The following CCDC27 variants were observed in gnomAD, a reference collection of about 807,000 sequenced individuals.
The protein encoded by CCDC27 is coiled-coil domain-containing protein 27.
A neutral mutation model predicts 80.3 loss-of-function variants in CCDC27; 80 were observed. That is an observed-to-expected ratio of 1.00 (90% confidence interval 0.83 to 1.20). The LOEUF (loss-of-function observed/expected upper bound fraction) is 1.20, where lower values mean the gene tolerates loss of function less well. Among genes scored for constraint, CCDC27 ranks in the 50% most tolerant of loss-of-function variants. The pLI is 0.00. For missense variants in CCDC27, 815 were observed against 809.4 expected (o/e 1.01, Z -0.08); for synonymous variants, 342 against 334.3 (o/e 1.02, Z -0.25).
In CCDC27 at chr1:3,766,694, G is replaced by A; in HGVS notation, c.1530+82G>A. ...CCAACACAGCAAAGGGCAAGACGGG[G>A]CTGGAGCGTCTTCACAGCTGAGCCA... On this transcript the variant is annotated intron_variant, in intron 9 of 11. Transcript: ENST00000294600. The surrounding 1 kb of genome is among the most constrained non-coding windows in gnomAD (Gnocchi z 6.1). 8.6e-7 allele frequency: 1 copy of A among 1,168,164 alleles called. No individual in the cohort carries two copies. Among genetic ancestry groups the A allele is most frequent in the Non-Finnish European group, 1.3e-6 (1 of 798,118 alleles). The allele number at this position is 1,168,164 out of a possible 1,614,324, so 72.4% of individuals were successfully genotyped here.
intron 8 of CCDC27, among the ~76,000 whole-genome samples, chr1:3,765,696 C>T (rs751239259): frequency 4.6e-5 from 7 of 152,100 alleles, no homozygotes; most frequent in Non-Finnish European, 8.8e-5. Context: ...CTTCTTGCAC[C>T]ACTTCTATTT....
Position 3,763,923 on chromosome 1 carries a change from C to T in CCDC27, c.1452+87C>T. ...CCCGGCAGCTCGGGGCAGGCGCTGC[C>T]CGTCCCATCTACTGATGGAGACTTT... is the stretch of plus-strand genomic sequence containing the variant. On this transcript the variant is annotated intron_variant, in intron 8 of 11. Coordinates refer to ENST00000294600, the MANE Select transcript of CCDC27 (RefSeq NM_152492.3). This position sits in a 1 kb window ranked among gnomAD's most constrained non-coding sequence, Gnocchi z 7.5. 1 of 1,527,526 alleles carries T rather than the reference C, an allele frequency of 6.5e-7. No homozygotes were observed. Among genetic ancestry groups the T allele is most frequent in the Non-Finnish European group, 8.8e-7 (1 of 1,133,164 alleles). 94.6% of individuals were successfully genotyped at this position (1,527,526 alleles called of 1,614,324 possible). A position where few individuals can be genotyped will look rare whatever the true frequency, so the allele number is the denominator to read the frequency against.
chr1:3,764,175 C>T (rs779793643), intron 8 of CCDC27, among the ~76,000 whole-genome samples: 3 of 152,168 alleles, frequency 2.0e-5, no homozygotes, highest in Non-Finnish European at 4.4e-5. Context: ...CCTATCCGTG[C>T]TTAGAGAGAC....
Position 3,756,938 on chromosome 1 carries a change from C to G in CCDC27, c.711+48C>G, listed in dbSNP as rs201968265. ...TCCCGGCCCCCCACCCCTCTCTCTG[C>G]GTCCGGCTGGGAGGACAGCCCTGCT... On this transcript the variant is annotated intron_variant, in intron 4 of 11. Transcript: ENST00000294600. The G allele has an allele frequency of 4.4e-6, 7 of 1,573,514 alleles. 2 individuals are homozygous for G. The South Asian group carries it at 8.0e-5, about 18-fold the overall frequency.
chr1:3,762,622 G>A lies in CCDC27; in HGVS notation c.864G>A (p.Glu288=). Reference sequence around the variant, plus strand: ...AGGGTCCCACGGGCGTCTTGCAGGAGCAGCTCTCAGACGCTTCGCTGAAGC... The same window carrying A: ...AGGGTCCCACGGGCGTCTTGCAGGAACAGCTCTCAGACGCTTCGCTGAAGC... ...QETSMSPGRR[E]QLSDASLKLG... Residue 288 remains glutamate (E), a splice_region_variant and synonymous_variant, in exon 6 of 12, where the codon GAG becomes GAA. Coordinates refer to ENST00000294600, the MANE Select transcript of CCDC27 (RefSeq NM_152492.3). 2 of 1,550,620 alleles carry A rather than the reference G, an allele frequency of 1.3e-6. No homozygotes were observed. Among genetic ancestry groups the A allele is most frequent in the Non-Finnish European group, 1.7e-6 (2 of 1,146,612 alleles).
In CCDC27 at chr1:3,769,701, A is replaced by T; in HGVS notation, c.1744-82A>T. The T allele has an allele frequency of 1.1e-6, 1 of 907,910 alleles. No homozygotes were observed. Among genetic ancestry groups the T allele is most frequent in the Non-Finnish European group, 1.9e-6 (1 of 538,114 alleles). 56.2% of individuals were successfully genotyped at this position (907,910 alleles called of 1,614,324 possible). A position where few individuals can be genotyped will look rare whatever the true frequency, so the allele number is the denominator to read the frequency against. On this transcript the variant is annotated intron_variant, in intron 10 of 11. Transcript: ENST00000294600. This position sits in a 1 kb window ranked among gnomAD's most constrained non-coding sequence, Gnocchi z 4.6. ...GCTGTTCCTTCCTGGTACATAAAAA[A>T]TAAGGTGGTGGGGGGTGCAGCCCAC...
rs977299367 is a variant in CCDC27 at position 3,769,491 on chromosome 1, A to G, written c.1744-292A>G. Among the ~76,000 whole-genome samples, 2 of 152,058 alleles carry G rather than the reference A, an allele frequency of 1.3e-5. No individual in the cohort carries two copies. The highest frequency in any genetic ancestry group is 2.9e-5 in the Non-Finnish European group (2 of 68,010). On this transcript the variant is annotated intron_variant, in intron 10 of 11. Transcript: ENST00000294600. This position sits in a 1 kb window ranked among gnomAD's most constrained non-coding sequence, Gnocchi z 4.6. ...GGTTTGTTGGTTTAAAAATATATAT[A>G]TATGTGTGTGTAGGTTTTACTTTCC...
chr1:3,771,464 C>T lies in CCDC27; in HGVS notation c.1912C>T (p.Pro638Ser), dbSNP rs758474088. ...GAAGCAGAAAGGCGTCAAAGTGCCC[C>T]CCCTGCAACAGTCAGAGGCCTTCCT... ...QLKQKGVKVPPLQQSEAFLTS... is the reference protein window; with the variant it reads ...QLKQKGVKVPSLQQSEAFLTS... The change falls in exon 12 of 12, where the codon CCC (proline) becomes TCC (serine). Residue 638 changes from proline (P) to serine (S), a missense_variant. Pro to Ser is a moderately conservative substitution (Grantham distance 74). Transcript: ENST00000294600. 1 of 1,614,030 alleles carries T rather than the reference C, an allele frequency of 6.2e-7. No individual in the cohort carries two copies. Among genetic ancestry groups the T allele is most frequent in the Admixed American group, 1.7e-5 (1 of 60,018 alleles).
chr1:3,757,014 C>T (rs912497686), intron 4 of CCDC27, 124 bp downstream of exon 4: 5 of 1,193,258 alleles, frequency 4.2e-6, no homozygotes, highest in Non-Finnish European at 5.8e-6. Context: ...AAGCAGGTCC[C>T]CATGGCCTAA....
chr1:3,752,908 T>C lies in CCDC27; in HGVS notation c.318+109T>C, dbSNP rs146104063. On this transcript the variant is annotated intron_variant, in intron 1 of 11. Coordinates refer to ENST00000294600, the MANE Select transcript of CCDC27 (RefSeq NM_152492.3). The stretch of plus-strand genomic sequence containing the variant: ...CCCACAAAGCATTCCACAGGCCTTC[T>C]GGTGATGGGTTACCAAAGGGGGATT... The C allele has an allele frequency of 4.1e-6, 5 of 1,233,888 alleles. No individual in the cohort carries two copies. The East Asian group carries it at 1.3e-4, about 31-fold the overall frequency. 76.4% of individuals were successfully genotyped at this position (1,233,888 alleles called of 1,614,324 possible).
rs1161306595 is a variant in CCDC27 at position 3,763,895 on chromosome 1, A to G, written c.1452+59A>G. 16 of 1,585,340 alleles carry G rather than the reference A, an allele frequency of 1.0e-5. No homozygotes were observed. Among genetic ancestry groups the G allele is most frequent in the African/African-American group, 1.4e-5 (1 of 73,994 alleles). On this transcript the variant is annotated intron_variant, in intron 8 of 11. Transcript: ENST00000294600. The surrounding 1 kb of genome is among the most constrained non-coding windows in gnomAD (Gnocchi z 7.5). The stretch of plus-strand genomic sequence containing the variant: ...TGAGCATGGGCCCCAGGCTTCATTA[A>G]CCCCCGGCAGCTCGGGGCAGGCGCT...
Position 3,763,629 on chromosome 1 carries a change from G to A in CCDC27, c.1322-77G>A, listed in dbSNP as rs1643150065. Reference sequence around the variant, plus strand: ...GGCTGGCAGAGCCCTCCCAGCTGCCGCAGTGGCCCGGCCCTCTCCTTCTGT... The same window carrying A: ...GGCTGGCAGAGCCCTCCCAGCTGCCACAGTGGCCCGGCCCTCTCCTTCTGT... On this transcript the variant is annotated intron_variant, in intron 7 of 11. Coordinates refer to ENST00000294600, the MANE Select transcript of CCDC27 (RefSeq NM_152492.3). This position sits in a 1 kb window ranked among gnomAD's most constrained non-coding sequence, Gnocchi z 7.5. 6.9e-6 allele frequency: 11 copies of A among 1,590,294 alleles called. No individual in the cohort carries two copies. Among genetic ancestry groups the A allele is most frequent in the East Asian group, 2.2e-5 (1 of 44,522 alleles).
chr1:3,752,503 T>A lies in CCDC27; in HGVS notation c.22T>A (p.Ser8Thr), dbSNP rs1359201677. The stretch of plus-strand genomic sequence containing the variant: ...GTTCATGTTCGAGGCCATCTTCCCC[T>A]CCACACCCCAAGCCAGGCTGAAGAG... MFEAIFP[S>T]TPQARLKRDP... Residue 8 changes from serine (S) to threonine (T), a missense_variant, in exon 1 of 12, where the codon TCC becomes ACC. Ser to Thr is a moderately conservative substitution (Grantham distance 58). Coordinates refer to ENST00000294600, the MANE Select transcript of CCDC27 (RefSeq NM_152492.3). 1.2e-5 allele frequency: 20 copies of A among 1,614,000 alleles called. No individual in the cohort carries two copies. The highest frequency in any genetic ancestry group is 1.6e-5 in the Non-Finnish European group (19 of 1,180,004).
At chr1:3,771,365 G>A in intron 11 of CCDC27, 36 bp from the exon 12 acceptor site, 2 of 1,613,034 alleles carry the variant, frequency 1.2e-6, no homozygotes, top group Non-Finnish European at 8.5e-7. Context: ...GTGAGGAACT[G>A]GGAAGGCCAC....
rs949620414 is a variant in CCDC27, at chr1:3,760,324, CCT to C, written c.712-949_712-948del. Among the ~76,000 whole-genome samples, 1 of 152,058 alleles carries C rather than the reference CCT, an allele frequency of 6.6e-6. No homozygotes were observed. The highest frequency in any genetic ancestry group is 1.5e-5 in the Non-Finnish European group (1 of 68,016). On this transcript the variant is annotated intron_variant, in intron 4 of 11. Transcript: ENST00000294600. This position sits in a 1 kb window ranked among gnomAD's most constrained non-coding sequence, Gnocchi z 4.3. ...GGCCACGTTTGCTTTATCCTTCTCT[CCT>C]CTCTCTCCCCCTTGCTCCTCTCTCC...
chr1:3,771,565 G>A lies in CCDC27; in HGVS notation c.*42G>A, dbSNP rs368945399. The A allele has an allele frequency of 2.8e-4, 451 of 1,605,898 alleles. 3 individuals carry two copies. Among genetic ancestry groups the A allele is most frequent in the South Asian group, 2.7e-3 (249 of 90,784 alleles). The stretch of plus-strand genomic sequence containing the variant: ...AAATACGGTCAGCCCAGCAGAGGCC[G>A]GGGCCCAGCTCCAGAACCACCCGCC... On this transcript the variant is annotated 3_prime_UTR_variant, in exon 12 of 12. Transcript: ENST00000294600.
Position 3,763,364 on chromosome 1 carries a change from C to A in CCDC27, c.1211C>A (p.Ala404Asp). 1.2e-6 allele frequency: 2 copies of A among 1,612,964 alleles called. No homozygotes were observed. Among genetic ancestry groups the A allele is most frequent in the Non-Finnish European group, 1.7e-6 (2 of 1,179,966 alleles). ...EIPRRRASSLAESFEEELLAQ... is the reference protein window; with the variant it reads ...EIPRRRASSLDESFEEELLAQ... ...CCCAGGAGAAGGGCCTCCTCCCTGG[C>A]CGAGTCGTTTGAGGAGGAGCTGCTG... The change falls in exon 7 of 12, where the codon GCC becomes GAC. Residue 404 changes from alanine to aspartate, a missense_variant. Physicochemically the swap from Ala to Asp is moderately radical, Grantham distance 126 (BLOSUM62 -2). Transcript: ENST00000294600. The surrounding 1 kb of genome is among the most constrained non-coding windows in gnomAD (Gnocchi z 7.5).
At position 3,766,516 on chromosome 1, in the gene CCDC27, C is replaced by A. The variant is rs1428858330; in HGVS notation, c.1453-19C>A. The stretch of plus-strand genomic sequence containing the variant: ...TAAACCTGGGAGTCCCCCAAGCCAA[C>A]CCTTCTGTCTCCTTCCAGTTCTCCA... On this transcript the variant is annotated intron_variant, in intron 8 of 11. Coordinates refer to ENST00000294600, the MANE Select transcript of CCDC27 (RefSeq NM_152492.3). This position sits in a 1 kb window ranked among gnomAD's most constrained non-coding sequence, Gnocchi z 6.1. The A allele has an allele frequency of 6.3e-7, 1 of 1,599,228 alleles. No homozygotes were observed. Among genetic ancestry groups the A allele is most frequent in the East Asian group, 2.2e-5 (1 of 44,702 alleles).
rs1401521590 is a variant in CCDC27, at chr1:3,763,725, A to G, written c.1341A>G (p.Gln447=). 1 of 1,614,058 alleles carries G rather than the reference A, an allele frequency of 6.2e-7. No homozygotes were observed. Among genetic ancestry groups the G allele is most frequent in the Admixed American group, 1.7e-5 (1 of 60,022 alleles). Residue 447 remains glutamine (Q), a synonymous_variant, in exon 8 of 12, where the codon CAA becomes CAG. Coordinates refer to ENST00000294600, the MANE Select transcript of CCDC27 (RefSeq NM_152492.3). This position sits in a 1 kb window ranked among gnomAD's most constrained non-coding sequence, Gnocchi z 7.5. The part of the protein sequence containing the change: ...SLATGVIASL[Q]QQVDFQETQL... ...GCCCAGGAGTGATTGCGTCTTTACA[A>G]CAACAAGTGGATTTCCAAGAAACCC...
Sources: allele counts gnomAD v4.1 joint callset (sites outside exome capture counted in the v4.1 genomes callset), GRCh38; gene constraint gnomAD v4.1.1; non-coding constraint Gnocchi (gnomAD v3.1); transcripts MANE v1.5; gene names NCBI Gene and HGNC (gene_info 2026-07-23, HGNC 2026-07-21).